SEPHS1: variants seen among roughly 807,000 people sequenced by gnomAD.
The protein encoded by SEPHS1 is zincore component SEPHS1.
In SEPHS1, 7 loss-of-function variants were observed where a neutral mutation model predicts 39.2. The observed-to-expected ratio is 0.18, with a 90% CI of 0.10 to 0.34. The LOEUF is 0.34. Among genes scored for constraint, SEPHS1 ranks in the 10% least tolerant of loss-of-function variants. The pLI, the probability that SEPHS1 is intolerant of heterozygous loss-of-function variation, is 1.00. For missense variants in SEPHS1, 253 were observed against 514.5 expected (o/e 0.49, Z 4.92); for synonymous variants, 190 against 195.5 (o/e 0.97, Z 0.23).
rs548890623 is a variant in SEPHS1, at chr10:13,319,726, TGCC to T, written c.965-373_965-371del. Among the ~76,000 whole-genome samples, 8 of 152,302 alleles carry T rather than the reference TGCC, an allele frequency of 5.3e-5. No homozygotes were observed. In the East Asian group the frequency reaches 9.6e-4, roughly 18 times the overall value. On this transcript the variant is annotated intron_variant, in intron 8 of 8. Coordinates refer to ENST00000327347, the MANE Select transcript of SEPHS1 (RefSeq NM_012247.5). ...AACTCCTGGACTCAAGCAATCCACC[TGCC>T]TTGGCCTCCCAAAGTGCTGAGATTA...
At chr10:13,320,403 G>C (rs977594676) in intron 8 of SEPHS1, among the ~76,000 whole-genome samples, 5 of 151,812 alleles carry the variant, frequency 3.3e-5, no homozygotes, top group South Asian at 2.1e-4. Context: ...GGATGGTCTC[G>C]ATCTCCTGAC....
intron 7 of SEPHS1, among the ~76,000 whole-genome samples, chr10:13,327,954 C>T (rs1390725896): frequency 6.6e-6 from 1 of 152,188 alleles, no homozygotes; most frequent in Non-Finnish European, 1.5e-5. Context: ...TCAGTGGTTA[C>T]ACCTAAGCAG....
chr10:13,344,256 T>A (rs770474348), intron 2 of SEPHS1, among the ~76,000 whole-genome samples: 1 of 152,190 alleles, frequency 6.6e-6, no homozygotes, highest in South Asian at 2.1e-4. Context: ...ATGAAGGGAA[T>A]GTGAGCATTT....
intron 1 of SEPHS1, among the ~76,000 whole-genome samples, chr10:13,346,274 G>A (rs142100239): frequency 1.8e-4 from 28 of 152,304 alleles, no homozygotes; most frequent in African/African-American, 6.3e-4. Flanking sequence ...CCTCCAGACT[G>A]ATACTTTATT....
Position 13,318,905 on chromosome 10 carries a change from A to G in SEPHS1, c.*237T>C. On this transcript the variant is annotated 3_prime_UTR_variant, in exon 9 of 9. Coordinates refer to ENST00000327347, the MANE Select transcript of SEPHS1 (RefSeq NM_012247.5). ...ATTCAAAATGAATCAACAGTATTGG[A>G]TAACAATATAATTCTCAACTCAGAA... 1 of 516,218 alleles carries G rather than the reference A, an allele frequency of 1.9e-6. No homozygotes were observed. Among genetic ancestry groups the G allele is most frequent in the Non-Finnish European group, 3.4e-6 (1 of 295,054 alleles). The allele number at this position is 516,218 out of a possible 1,614,324, so 32.0% of individuals were successfully genotyped here. A position where few individuals can be genotyped will look rare whatever the true frequency, so the allele number is the denominator to read the frequency against.
At chr10:13,342,884 C>A (rs1833836036) in intron 2 of SEPHS1, among the ~76,000 whole-genome samples, 1 of 152,044 alleles carries the variant, frequency 6.6e-6, no homozygotes, top group African/African-American at 2.4e-5. Flanking sequence ...TACAGGTGTA[C>A]ACCAGCAAGC....
chr10:13,330,995 C>A (rs1344608200), intron 5 of SEPHS1, among the ~76,000 whole-genome samples: 3 of 150,676 alleles, frequency 2.0e-5, no homozygotes, highest in African/African-American at 7.4e-5. Flanking sequence ...AGCCCCCTAC[C>A]CCCGACAGGC....
chr10:13,342,782 C>CCGCA (rs1420142288), intron 2 of SEPHS1, among the ~76,000 whole-genome samples: 8 of 151,670 alleles, frequency 5.3e-5, no homozygotes, highest in Non-Finnish European at 1.0e-4. Context: ...GTCTCCCAGG[C>CCGCA]CGCAGTACAG....
chr10:13,325,942 G>C (rs1431426933), intron 7 of SEPHS1, among the ~76,000 whole-genome samples: 1 of 18,260 alleles, frequency 5.5e-5, no homozygotes, highest in Non-Finnish European at 8.9e-5. Flanking sequence ...AAGAGACTCA[G>C]TCTCAAAAAA....
At chr10:13,335,432 G>T (rs1332431262) in intron 4 of SEPHS1, among the ~76,000 whole-genome samples, 1 of 152,142 alleles carries the variant, frequency 6.6e-6, no homozygotes, top group South Asian at 2.1e-4. Flanking sequence ...TTGGGAGGCC[G>T]AAGTGGGTGG....
chr10:13,328,557 G>A, intron 6 of SEPHS1, 107 bp from the exon 7 acceptor site: 1 of 776,316 alleles, frequency 1.3e-6, no homozygotes, highest in Non-Finnish European at 2.1e-6. Context: ...AACTTCTAGG[G>A]ACTTTAATTC....
At chr10:13,330,619 ACTCACCC>A (rs1374212557) in intron 5 of SEPHS1, among the ~76,000 whole-genome samples, 1 of 152,032 alleles carries the variant, frequency 6.6e-6, no homozygotes, top group African/African-American at 2.4e-5. Context: ...CTCCTCAGGT[ACTCACCC>A]AAGTCGATGA....
At position 13,333,882 on chromosome 10, in the gene SEPHS1, T is replaced by C. The variant is rs779207748; in HGVS notation, c.495A>G (p.Val165=). Reference sequence around the variant, plus strand: ...CTCCCAGGACAATCCAGGGGTTTAGTACTGTTTGGCCGCCTGTTACAGATG... The same window carrying C: ...CTCCCAGGACAATCCAGGGGTTTAGCACTGTTTGGCCGCCTGTTACAGATG... ...AGTSVTGGQT[V]LNPWIVLGGV... is the part of the protein sequence containing the mutation. Residue 165 remains valine (V), a synonymous_variant, in exon 5 of 9, where the codon GTA becomes GTG. Transcript: ENST00000327347. The C allele has an allele frequency of 4.5e-5, 72 of 1,613,970 alleles. No individual in the cohort carries two copies. Among genetic ancestry groups the C allele is most frequent in the Non-Finnish European group, 5.8e-5 (68 of 1,179,948 alleles).
chr10:13,327,950 G>A (rs572832705), intron 7 of SEPHS1, among the ~76,000 whole-genome samples: 1 of 152,262 alleles, frequency 6.6e-6, no homozygotes, highest in African/African-American at 2.4e-5. Flanking sequence ...AAATTCAGTG[G>A]TTACACCTAA....
intron 7 of SEPHS1, among the ~76,000 whole-genome samples, chr10:13,325,959 AAAAAATAATAAT>A (rs1403854753): frequency 1.9e-5 from 2 of 108,018 alleles, no homozygotes; most frequent in African/African-American, 7.6e-5. Context: ...AAAAAAAAAA[AAAAAATAATAAT>A]AATAATAATA....
chr10:13,339,480 A>G (rs1347887219), intron 2 of SEPHS1, among the ~76,000 whole-genome samples: 1 of 152,024 alleles, frequency 6.6e-6, no homozygotes, highest in Non-Finnish European at 1.5e-5. Context: ...ATAAGGCTGT[A>G]CTCCTTTAAA....
At chr10:13,346,415 A>G (rs1833922881) in intron 1 of SEPHS1, among the ~76,000 whole-genome samples, 1 of 152,184 alleles carries the variant, frequency 6.6e-6, no homozygotes, top group African/African-American at 2.4e-5. Context: ...AATCTCACGA[A>G]GCCCGAGTTT....
Position 13,336,228 on chromosome 10 carries a change from G to A in SEPHS1, c.405+15C>T, listed in dbSNP as rs1833629357. On this transcript the variant is annotated intron_variant, in intron 4 of 8. Coordinates refer to ENST00000327347, the MANE Select transcript of SEPHS1 (RefSeq NM_012247.5). ...ACAACACGGACCAGGCAGCAGCCGG[G>A]TAGCTCCTACTTACCCTGTCGGTCA... 1.3e-6 allele frequency: 2 copies of A among 1,571,120 alleles called. No individual in the cohort carries two copies. Among genetic ancestry groups the A allele is most frequent in the Middle Eastern group, 1.8e-4 (1 of 5,574 alleles).
intron 4 of SEPHS1, among the ~76,000 whole-genome samples, 159 bp downstream of exon 4, chr10:13,336,084 A>AT (rs1328331669): frequency 1.3e-5 from 2 of 151,970 alleles, no homozygotes; most frequent in Non-Finnish European, 2.9e-5. Context: ...CCTCATTTTA[A>AT]TTTACTGGTA....
Sources: gnomAD v4.1 joint callset for allele counts (sites outside exome capture counted in the v4.1 genomes callset) on GRCh38, gnomAD v4.1.1 for gene constraint, MANE v1.5 for transcripts, NCBI Gene and HGNC (gene_info 2026-07-23, HGNC 2026-07-21) for gene names.